Variants in FBXL17 observed in about 807,000 individuals in gnomAD.
The protein encoded by FBXL17 is F-box/LRR-repeat protein 17.
A neutral mutation model predicts 66.2 loss-of-function variants in FBXL17; 22 were observed. The ratio of observed to expected loss-of-function variants is 0.33; its 90% CI spans 0.24 to 0.47. The LOEUF (loss-of-function observed/expected upper bound fraction) is 0.47. FBXL17 is among the 20% of genes least tolerant of loss of function. The pLI, the probability that FBXL17 is intolerant of heterozygous loss-of-function variation, is 1.00. For missense variants in FBXL17, 878 were observed against 948.2 expected (o/e 0.93, Z 0.97); for synonymous variants, 474 against 400.5 (o/e 1.18, Z -2.19).
chr5:108,090,904 TAGGTTAA>T (rs1649577033), intron 6 of FBXL17, among the ~76,000 whole-genome samples: 1 of 147,934 alleles, frequency 6.8e-6, no homozygotes. Flanking sequence ...TTGTATTTTA[TAGGTTAA>T]ACATGAATAC....
At chr5:107,963,629 T>C (rs1017445142) in intron 7 of FBXL17, among the ~76,000 whole-genome samples, 2 of 152,132 alleles carry the variant, frequency 1.3e-5, no homozygotes, top group Non-Finnish European at 2.9e-5. Flanking sequence ...AGGGTTATTG[T>C]AAGAGTTAGT....
intron 6 of FBXL17, among the ~76,000 whole-genome samples, chr5:108,114,308 G>A (rs1750154180): frequency 6.6e-6 from 1 of 152,082 alleles, no homozygotes. Flanking sequence ...GTATCTTAGT[G>A]AGTTTATTCC....
chr5:107,943,191 C>T (rs1751171764), intron 7 of FBXL17, among the ~76,000 whole-genome samples: 1 of 152,298 alleles, frequency 6.6e-6, no homozygotes, highest in Non-Finnish European at 1.5e-5. Context: ...CACTTTGAGT[C>T]CCAGACTCTC....
At chr5:108,165,768 G>A (rs998928147) in intron 6 of FBXL17, among the ~76,000 whole-genome samples, 13 of 152,148 alleles carry the variant, frequency 8.5e-5, no homozygotes, top group Admixed American at 3.9e-4. Context: ...TTCAAAAAGA[G>A]CATGTAGGAA....
intron 6 of FBXL17, among the ~76,000 whole-genome samples, chr5:108,045,590 A>G (rs2112811602): frequency 6.6e-6 from 1 of 152,304 alleles, no homozygotes; most frequent in Middle Eastern, 3.4e-3. Context: ...GCACTTAACA[A>G]TATAAATTTC....
At chr5:108,260,523 G>A (rs1182683686) in intron 4 of FBXL17, among the ~76,000 whole-genome samples, 2 of 152,104 alleles carry the variant, frequency 1.3e-5, no homozygotes, top group African/African-American at 4.8e-5. Flanking sequence ...AGGAAAGGGA[G>A]GAAACGGCAA....
chr5:108,381,577 C>A lies in FBXL17; in HGVS notation c.115G>T (p.Ala39Ser). Reference sequence around the variant, plus strand: ...GCCGCCGGCTGAGGGGGCACCTTGGCTGGGGTCCGGCGGGGCAGCCTGAGG... The same window carrying A: ...GCCGCCGGCTGAGGGGGCACCTTGGATGGGGTCCGGCGGGGCAGCCTGAGG... ...PLLRLPRRTP[A>S]KVPPQPAAPR... Residue 39 changes from alanine to serine, a missense_variant, in exon 1 of 9, where the codon GCC (alanine) becomes TCC (serine). Transcript: ENST00000542267. 6.9e-7 allele frequency: 1 copy of A among 1,449,424 alleles called. No homozygotes were observed. Among genetic ancestry groups the A allele is most frequent in the Non-Finnish European group, 9.0e-7 (1 of 1,108,578 alleles). The allele number at this position is 1,449,424 out of a possible 1,614,324, so 89.8% of individuals were successfully genotyped here.
chr5:108,030,689 A>G (rs932713178), intron 6 of FBXL17, among the ~76,000 whole-genome samples: 2 of 152,140 alleles, frequency 1.3e-5, no homozygotes, highest in South Asian at 2.1e-4. Flanking sequence ...CAAGTACCCA[A>G]CTAAATAAAG....
intron 7 of FBXL17, among the ~76,000 whole-genome samples, chr5:108,002,087 C>T (rs370456161): frequency 6.6e-6 from 1 of 151,910 alleles, no homozygotes; most frequent in East Asian, 1.9e-4. Flanking sequence ...GCGATCTCAG[C>T]TCACTGCAAC....
chr5:108,289,958 T>G (rs142148784), intron 4 of FBXL17, among the ~76,000 whole-genome samples: 2 of 152,146 alleles, frequency 1.3e-5, no homozygotes, highest in Non-Finnish European at 2.9e-5. Flanking sequence ...TGTAAAACAT[T>G]CACAAAAACG....
chr5:108,123,449 G>C (rs76800891), intron 6 of FBXL17, among the ~76,000 whole-genome samples: 1,636 of 152,188 alleles, frequency 0.011, 40 homozygotes, highest in African/African-American at 0.037. Context: ...AAATGTCACT[G>C]TGGGCACTGA....
At chr5:108,258,177 A>G (rs1452894210) in intron 4 of FBXL17, among the ~76,000 whole-genome samples, 3 of 152,204 alleles carry the variant, frequency 2.0e-5, no homozygotes, top group African/African-American at 7.2e-5. Flanking sequence ...TGGTGGGGCC[A>G]TGATTCAACA....
chr5:107,989,888 A>G (rs1753170437), intron 7 of FBXL17, among the ~76,000 whole-genome samples: 1 of 152,160 alleles, frequency 6.6e-6, no homozygotes, highest in Non-Finnish European at 1.5e-5. Flanking sequence ...CACCAGGTTT[A>G]CTGATTGGAA....
At chr5:108,342,220 C>T (rs181965393) in intron 4 of FBXL17, among the ~76,000 whole-genome samples, 2 of 152,270 alleles carry the variant, frequency 1.3e-5, no homozygotes, top group East Asian at 1.9e-4. Flanking sequence ...ATGGTACTAG[C>T]TTCTGAATCA....
intron 6 of FBXL17, among the ~76,000 whole-genome samples, chr5:108,103,022 G>A (rs1456977969): frequency 6.6e-6 from 1 of 152,122 alleles, no homozygotes; most frequent in Non-Finnish European, 1.5e-5. Flanking sequence ...ATCAGAGTGG[G>A]GGATGATATT....
intron 7 of FBXL17, among the ~76,000 whole-genome samples, chr5:107,984,552 T>C (rs1297848604): frequency 6.6e-6 from 1 of 152,146 alleles, no homozygotes; most frequent in South Asian, 2.1e-4. Flanking sequence ...ATACACAGCA[T>C]CCTTCTAATG....
At chr5:108,373,015 T>C (rs1749143083) in intron 1 of FBXL17, among the ~76,000 whole-genome samples, 1 of 151,810 alleles carries the variant, frequency 6.6e-6, no homozygotes, top group Non-Finnish European at 1.5e-5. Flanking sequence ...TAACAACAAA[T>C]ACAGGAGCAA....
At chr5:108,157,220 G>A (rs1376149092) in intron 6 of FBXL17, among the ~76,000 whole-genome samples, 1 of 148,302 alleles carries the variant, frequency 6.7e-6, no homozygotes, top group Non-Finnish European at 1.5e-5. Flanking sequence ...ACATACAAAT[G>A]TGATATAATT....
intron 7 of FBXL17, among the ~76,000 whole-genome samples, chr5:107,994,640 C>A (rs527281847): frequency 3.2e-4 from 48 of 152,118 alleles, no homozygotes; most frequent in Non-Finnish European, 3.8e-4. Context: ...GAGTTCAAGA[C>A]CAGCCTGGTC....
Sources: allele counts gnomAD v4.1 joint callset (sites outside exome capture counted in the v4.1 genomes callset), GRCh38; gene constraint gnomAD v4.1.1; transcripts MANE v1.5; gene names NCBI Gene and HGNC (gene_info 2026-07-23, HGNC 2026-07-21).